RASSF3: variants seen among roughly 807,000 people sequenced by gnomAD.
RASSF3 encodes the protein Ras association domain family member 3.
Under a neutral mutation model 19.9 loss-of-function variants are expected in RASSF3, and 19 were observed. The observed-to-expected ratio is 0.96, with a 90% CI of 0.67 to 1.40. The LOEUF (loss-of-function observed/expected upper bound fraction) is 1.40, where lower values mean the gene tolerates loss of function less well. Ranked by LOEUF, RASSF3 falls within the 40% of genes most tolerant of loss-of-function variation. The pLI, the probability that RASSF3 is intolerant of heterozygous loss-of-function variation, is 0.00. For missense variants in RASSF3, 306 were observed against 289.8 expected (o/e 1.06, Z -0.41); for synonymous variants, 110 against 104.2 (o/e 1.06, Z -0.34).
intron 2 of RASSF3, 56 bp downstream of exon 2, chr12:64,684,950 G>A (rs749516105): frequency 2.0e-6 from 2 of 1,007,458 alleles, no homozygotes; most frequent in Non-Finnish European, 3.2e-6. Flanking sequence ...AATATAAATT[G>A]TTGGTACTAC....
At chr12:64,691,923 TG>T (rs1397235620) in intron 4 of RASSF3, among the ~76,000 whole-genome samples, 2 of 152,106 alleles carry the variant, frequency 1.3e-5, no homozygotes. Flanking sequence ...AGCTGAACTT[TG>T]AAAGTTGACA....
intron 2 of RASSF3, among the ~76,000 whole-genome samples, chr12:64,576,248 T>C (rs1427386310): frequency 6.6e-6 from 1 of 152,002 alleles, no homozygotes; most frequent in Non-Finnish European, 1.5e-5. Flanking sequence ...GACTGACACA[T>C]TTATGGATGC....
intron 2 of RASSF3, among the ~76,000 whole-genome samples, chr12:64,573,663 T>A (rs901839537): frequency 1.3e-5 from 2 of 152,204 alleles, no homozygotes; most frequent in Non-Finnish European, 1.5e-5. Flanking sequence ...ACAGAGACAG[T>A]TCCTTGCTAT....
chr12:64,654,754 A>G (rs1872097222), intron 1 of RASSF3: 1 of 151,682 alleles, frequency 6.6e-6, no homozygotes, highest in Non-Finnish European at 1.5e-5. Context: ...AATCCCAGCT[A>G]CTCAGGAGGC....
At chr12:64,595,808 C>T (rs1869990948) in intron 2 of RASSF3, among the ~76,000 whole-genome samples, 1 of 152,126 alleles carries the variant, frequency 6.6e-6, no homozygotes, top group Admixed American at 6.6e-5. Context: ...TTTCTCTGAC[C>T]TTTTCCTGTC....
chr12:64,513,379 G>T (rs1280271578), intron 1 of RASSF3, among the ~76,000 whole-genome samples: 2 of 151,492 alleles, frequency 1.3e-5, no homozygotes, highest in Non-Finnish European at 2.9e-5. Context: ...GAACCCAGGA[G>T]GTGAAAGTTG....
intron 1 of RASSF3, among the ~76,000 whole-genome samples, chr12:64,675,047 C>T (rs533167484): frequency 9.4e-6 from 1 of 106,858 alleles, no homozygotes; most frequent in African/African-American, 4.0e-5. Flanking sequence ...CCCACCTAGC[C>T]CCCCCCCCCC....
At chr12:64,593,309 C>T (rs1234980317) in intron 2 of RASSF3, among the ~76,000 whole-genome samples, 3 of 152,194 alleles carry the variant, frequency 2.0e-5, no homozygotes, top group African/African-American at 7.2e-5. Flanking sequence ...GCAACCTCCG[C>T]TTCTGGGGTT....
intron 2 of RASSF3, among the ~76,000 whole-genome samples, chr12:64,548,356 T>G (rs1307282764): frequency 6.6e-6 from 1 of 151,804 alleles, no homozygotes; most frequent in Non-Finnish European, 1.5e-5. Context: ...TTATTTTTAT[T>G]TATTTATTTT....
chr12:64,666,900 G>A (rs1449225143), intron 1 of RASSF3, among the ~76,000 whole-genome samples: 1 of 152,234 alleles, frequency 6.6e-6, no homozygotes, highest in African/African-American at 2.4e-5. Context: ...TTTGTTGGCA[G>A]TGTCTGCAAA....
downstream of RASSF3, among the ~76,000 whole-genome samples, chr12:64,544,721 T>C (rs553841198): frequency 3.9e-4 from 59 of 152,222 alleles, no homozygotes; most frequent in Non-Finnish European, 6.9e-4. Context: ...CTGGATAGAA[T>C]TACTGAAACT....
Position 64,688,360 on chromosome 12 carries a change from G to T in RASSF3, c.364G>T (p.Gly122Trp). 6.2e-7 allele frequency: 1 copy of T among 1,614,152 alleles called. No individual in the cohort carries two copies. The highest frequency in any genetic ancestry group is 8.5e-7 in the Non-Finnish European group (1 of 1,180,024). ...TLHISSTNTV[G>W]EVIEALLKKF... ...TCATATCAGCAGCACAAACACTGTC[G>T]GGGAAGTGATCGAGGCCCTGCTCAA... is the stretch of plus-strand genomic sequence containing the variant. Residue 122 changes from glycine to tryptophan, a missense_variant, in exon 3 of 5, where the codon GGG becomes TGG. Physicochemically the swap from Gly to Trp is radical, Grantham distance 184. Transcript: ENST00000542104.
intron 1 of RASSF3, among the ~76,000 whole-genome samples, chr12:64,536,553 T>A (rs1415828774): frequency 1.3e-5 from 2 of 152,266 alleles, no homozygotes; most frequent in African/African-American, 4.8e-5. Context: ...AATAATAACA[T>A]AATAACTTTA....
intron 3 of RASSF3, among the ~76,000 whole-genome samples, chr12:64,690,174 T>A (rs1051913353): frequency 2.6e-5 from 4 of 151,716 alleles, no homozygotes; most frequent in Admixed American, 1.3e-4. Context: ...CATTTTTTTT[T>A]AAATTTGTTT....
intron 1 of RASSF3, among the ~76,000 whole-genome samples, chr12:64,520,403 C>T (rs1440482231): frequency 6.6e-6 from 1 of 151,522 alleles, no homozygotes; most frequent in East Asian, 1.9e-4. Context: ...CCTCATGATC[C>T]GCCCGCCTCG....
chr12:64,632,957 A>G (rs1871214080), intron 1 of RASSF3, among the ~76,000 whole-genome samples: 1 of 152,220 alleles, frequency 6.6e-6, no homozygotes, highest in Non-Finnish European at 1.5e-5. Context: ...GAAGACCAGA[A>G]TGTGGTGGTG....
chr12:64,508,086 T>C (rs1868302793), intron 1 of RASSF3, among the ~76,000 whole-genome samples: 2 of 152,230 alleles, frequency 1.3e-5, no homozygotes, highest in Admixed American at 6.5e-5. Context: ...ATTCTCATTA[T>C]GTTTCTTTCA....
chr12:64,540,146 G>C (rs1329167208), intron 1 of RASSF3, among the ~76,000 whole-genome samples: 1 of 152,120 alleles, frequency 6.6e-6, no homozygotes, highest in South Asian at 2.1e-4. Flanking sequence ...CAGGCTAATG[G>C]CTTCATTTTA....
chr12:64,681,654 T>A (rs1309359580), intron 1 of RASSF3, among the ~76,000 whole-genome samples: 1 of 152,242 alleles, frequency 6.6e-6, no homozygotes, highest in Non-Finnish European at 1.5e-5. Context: ...TCTTCAGCTA[T>A]GACTGGTACC....
Sources: gnomAD v4.1 joint callset for allele counts (sites outside exome capture counted in the v4.1 genomes callset) on GRCh38, gnomAD v4.1.1 for gene constraint, MANE v1.5 for transcripts, NCBI Gene and HGNC (gene_info 2026-07-23, HGNC 2026-07-21) for gene names.